The following PPM1H variants were observed in gnomAD, a reference collection of about 807,000 sequenced individuals.
PPM1H encodes the protein protein phosphatase 1H.
PPM1H carries 27 observed loss-of-function variants against 54.9 expected under a neutral mutation model. That is an observed-to-expected ratio of 0.49 (90% CI 0.36 to 0.68). The LOEUF (loss-of-function observed/expected upper bound fraction) is 0.68. Ranked by LOEUF, PPM1H falls within the 30% of genes least tolerant of loss-of-function variation. PPM1H has a pLI of 0.00. For synonymous variants in PPM1H, 305 were observed against 270.8 expected, an observed-to-expected ratio of 1.13 and a Z score of -1.24; for missense variants, 596 against 667.8, an observed-to-expected ratio of 0.89 and a Z score of 1.19.
At chr12:62,774,827 C>A (rs337519) in intron 4 of PPM1H, among the ~76,000 whole-genome samples, 58,919 of 152,022 alleles carry the variant, frequency 0.39, 13,681 homozygotes, top group African/African-American at 0.65. Context: ...CTAAGCGGAT[C>A]ACAAGCAAAA....
At chr12:62,845,501 T>C (rs908920506) in intron 1 of PPM1H, among the ~76,000 whole-genome samples, 11 of 152,218 alleles carry the variant, frequency 7.2e-5, no homozygotes, top group Non-Finnish European at 1.0e-4. Flanking sequence ...TGACACCTGG[T>C]AGACCATATA....
In PPM1H at chr12:62,648,363, A is replaced by C; in HGVS notation, c.*126T>G. On this transcript the variant is annotated 3_prime_UTR_variant, in exon 10 of 10. Transcript: ENST00000228705. ...TTGAAGCATAGTCTTTTGGCCATGA[A>C]CTCCCCGCTTGGGCTGGGAAGAGAC... 8.1e-7 allele frequency: 1 copy of C among 1,240,686 alleles called. No homozygotes were observed. Among genetic ancestry groups the C allele is most frequent in the South Asian group, 1.4e-5 (1 of 69,612 alleles). The allele number at this position is 1,240,686 out of a possible 1,614,324, so 76.9% of individuals were successfully genotyped here. A position where few individuals can be genotyped will look rare whatever the true frequency, so the allele number is the denominator to read the frequency against.
chr12:62,759,580 G>A (rs536167824), intron 4 of PPM1H, among the ~76,000 whole-genome samples: 2 of 152,288 alleles, frequency 1.3e-5, no homozygotes, highest in African/African-American at 4.8e-5. Flanking sequence ...TTGCGGGGAC[G>A]CCTGCCTGAT....
chr12:62,858,339 A>T (rs986176232), intron 1 of PPM1H, among the ~76,000 whole-genome samples: 7 of 152,314 alleles, frequency 4.6e-5, no homozygotes, highest in South Asian at 2.1e-4. Flanking sequence ...GATTACAGGC[A>T]CCAATTGAGA....
At chr12:62,817,119 A>AAAAAAAAAAAAAAAGAAAAAAAAAAAAC in intron 2 of PPM1H, among the ~76,000 whole-genome samples, 1 of 99,956 alleles carries the variant, frequency 1.0e-5, no homozygotes, top group African/African-American at 4.6e-5. Flanking sequence ...GCATTACTAA[A>AAAAAAAAAAAAAAAGAAAAAAAAAAAAC]AAAAAAAAAA....
chr12:62,666,898 G>C (rs929876944), intron 9 of PPM1H, among the ~76,000 whole-genome samples: 1 of 152,108 alleles, frequency 6.6e-6, no homozygotes, highest in Non-Finnish European at 1.5e-5. Flanking sequence ...ATTTTTAGTA[G>C]AGACAGGGTT....
chr12:62,748,815 G>A (rs2076426468), intron 4 of PPM1H, among the ~76,000 whole-genome samples: 1 of 152,172 alleles, frequency 6.6e-6, no homozygotes, highest in Non-Finnish European at 1.5e-5. Context: ...CTGGGAATCT[G>A]TGATTATAGG....
intron 1 of PPM1H, among the ~76,000 whole-genome samples, chr12:62,890,593 C>T (rs1394633358): frequency 6.6e-6 from 1 of 151,916 alleles, no homozygotes; most frequent in Non-Finnish European, 1.5e-5. Flanking sequence ...TTAGCAGCCC[C>T]GAAAGGTAAA....
Position 62,782,471 on chromosome 12 carries a change from AG to A in PPM1H, c.869+5754del, listed in dbSNP as rs138894802. 5.7e-3 allele frequency among the ~76,000 whole-genome samples: 865 copies of A among 152,290 alleles called. 3 individuals are homozygous for A. Among genetic ancestry groups the A allele is most frequent in the African/African-American group, 0.019 (802 of 41,562 alleles). On this transcript the variant is annotated intron_variant, in intron 4 of 9. Coordinates refer to ENST00000228705, the MANE Select transcript of PPM1H (RefSeq NM_020700.2). The stretch of plus-strand genomic sequence containing the variant: ...CTAATAGAGAAAGCTTTAACTGTAA[AG>A]GGGGGTAATTGTGGAAAACTAAAAA...
intron 4 of PPM1H, among the ~76,000 whole-genome samples, chr12:62,754,755 G>A (rs1222842322): frequency 6.6e-6 from 1 of 152,184 alleles, no homozygotes; most frequent in African/African-American, 2.4e-5. Context: ...TTGGACTTTA[G>A]AAATCAACAG....
At chr12:62,662,065 G>A (rs1013938832) in intron 9 of PPM1H, among the ~76,000 whole-genome samples, 5 of 152,080 alleles carry the variant, frequency 3.3e-5, no homozygotes, top group Admixed American at 1.3e-4. Context: ...CCCTGCCTCC[G>A]TAGGCAGCAG....
At chr12:62,761,645 C>T (rs766125155) in intron 4 of PPM1H, among the ~76,000 whole-genome samples, 1 of 151,876 alleles carries the variant, frequency 6.6e-6, no homozygotes, top group African/African-American at 2.4e-5. Flanking sequence ...CCCTCATTTC[C>T]CCATAAAAAA....
intron 4 of PPM1H, among the ~76,000 whole-genome samples, chr12:62,768,611 C>T (rs902733298): frequency 2.6e-5 from 4 of 151,814 alleles, no homozygotes; most frequent in Admixed American, 6.6e-5. Context: ...GCCGAGATCC[C>T]GCCATTGCAC....
intron 4 of PPM1H, among the ~76,000 whole-genome samples, chr12:62,786,953 G>A (rs184484174): frequency 6.6e-6 from 1 of 152,146 alleles, no homozygotes; most frequent in Admixed American, 6.5e-5. Flanking sequence ...ATACGTTTAT[G>A]TCACCACATA....
intron 7 of PPM1H, among the ~76,000 whole-genome samples, 190 bp downstream of exon 7, chr12:62,693,746 C>T (rs71465166): frequency 1.8e-4 from 28 of 152,302 alleles, no homozygotes; most frequent in African/African-American, 6.5e-4. Context: ...CCGCCCACCT[C>T]CCACCCCCAC....
chr12:62,715,716 T>C (rs1448175015), intron 6 of PPM1H, among the ~76,000 whole-genome samples: 2 of 152,150 alleles, frequency 1.3e-5, no homozygotes, highest in Admixed American at 1.3e-4. Context: ...GCTCCTCTAA[T>C]GAGAGCAGGC....
intron 4 of PPM1H, among the ~76,000 whole-genome samples, chr12:62,750,700 G>A (rs1362262161): frequency 6.6e-6 from 1 of 152,148 alleles, no homozygotes; most frequent in Admixed American, 6.6e-5. Flanking sequence ...GCTTTCCAAA[G>A]TGACTGTACA....
intron 1 of PPM1H, among the ~76,000 whole-genome samples, chr12:62,874,413 C>T (rs180690791): frequency 1.3e-5 from 2 of 152,234 alleles, no homozygotes; most frequent in Admixed American, 6.5e-5. Flanking sequence ...TAACATCTTA[C>T]CCTCAAAGAA....
chr12:62,685,123 ACATACC>A (rs1223472800), intron 8 of PPM1H, among the ~76,000 whole-genome samples: 1 of 152,158 alleles, frequency 6.6e-6, no homozygotes, highest in Non-Finnish European at 1.5e-5. Flanking sequence ...TAGACGCACT[ACATACC>A]CATTAAGCTA....
Sources: gnomAD v4.1 joint callset for allele counts (sites outside exome capture counted in the v4.1 genomes callset) on GRCh38, gnomAD v4.1.1 for gene constraint, MANE v1.5 for transcripts, NCBI Gene and HGNC (gene_info 2026-07-23, HGNC 2026-07-21) for gene names.